The following KIF26B variants were observed in gnomAD, a reference collection of about 807,000 sequenced individuals.
KIF26B encodes kinesin-like protein KIF26B.
In KIF26B, 63 loss-of-function variants were observed where a neutral mutation model predicts 151.2. That is an observed-to-expected ratio of 0.42 (90% confidence interval 0.34 to 0.51). The LOEUF is 0.51. Ranked by LOEUF, KIF26B falls within the 20% of genes least tolerant of loss-of-function variation. The pLI, the probability that KIF26B is intolerant of heterozygous loss-of-function variation, is 0.07. For missense variants in KIF26B, 2,813 were observed against 2,913.6 expected (o/e 0.97, Z 0.79); for synonymous variants, 1,357 against 1,262.1 (o/e 1.08, Z -1.59).
chr1:245,647,775 G>T (rs1572177500), intron 10 of KIF26B, among the ~76,000 whole-genome samples: 1 of 152,266 alleles, frequency 6.6e-6, no homozygotes, highest in East Asian at 1.9e-4. Context: ...AATACATTGT[G>T]AGTTTATTTC....
intron 4 of KIF26B, among the ~76,000 whole-genome samples, chr1:245,466,789 G>A (rs1659801232): frequency 6.6e-6 from 1 of 152,198 alleles, no homozygotes; most frequent in South Asian, 2.1e-4. Flanking sequence ...AGCAGGGCGT[G>A]GTGGTGAGTG....
At chr1:245,511,243 A>T in intron 4 of KIF26B, 2 of 663,540 alleles carry the variant, frequency 3.0e-6, no homozygotes, top group South Asian at 3.6e-5. Context: ...AAAATGCATA[A>T]ACCATTTCAA....
intron 4 of KIF26B, among the ~76,000 whole-genome samples, chr1:245,450,574 C>G (rs191913068): frequency 7.9e-4 from 120 of 152,338 alleles, no homozygotes; most frequent in Middle Eastern, 3.4e-3. Flanking sequence ...TGCTACCATT[C>G]ATTGTTGGTG....
intron 4 of KIF26B, among the ~76,000 whole-genome samples, chr1:245,532,345 A>G (rs1407366674): frequency 6.9e-6 from 1 of 145,302 alleles, no homozygotes; most frequent in Non-Finnish European, 1.5e-5. Context: ...TCCCGGGTTC[A>G]CGCCATTCTC....
rs537599029 is a variant in KIF26B, at chr1:245,707,121, A to G, written c.*4515A>G. On this transcript the variant is annotated 3_prime_UTR_variant, in exon 15 of 15. Transcript: ENST00000407071. Reference sequence around the variant, plus strand: ...CATTTAAGCTCATCTTCTCAAAAAAATTTTTTCTGAAAATTCCTGGAAACT... The same window carrying G: ...CATTTAAGCTCATCTTCTCAAAAAAGTTTTTTCTGAAAATTCCTGGAAACT... The G allele has an allele frequency of 3.9e-5, 6 of 152,112 alleles. No individual in the cohort carries two copies. Among genetic ancestry groups the G allele is most frequent in the African/African-American group, 1.4e-4 (6 of 41,418 alleles). The allele number at this position is 152,112 out of a possible 1,614,324, so 9.4% of individuals were successfully genotyped here. A position where few individuals can be genotyped will look rare whatever the true frequency, so the allele number is the denominator to read the frequency against.
intron 4 of KIF26B, among the ~76,000 whole-genome samples, chr1:245,489,849 G>C (rs1010951295): frequency 1.3e-5 from 2 of 152,170 alleles, no homozygotes; most frequent in Admixed American, 6.5e-5. Context: ...CAGTGTGCTT[G>C]GAACTTTGCT....
chr1:245,657,051 T>C (rs2044082695), intron 10 of KIF26B, among the ~76,000 whole-genome samples: 5 of 152,236 alleles, frequency 3.3e-5, no homozygotes, highest in Admixed American at 3.3e-4. Context: ...TATGATACTC[T>C]GTTCTTTAGG....
intron 8 of KIF26B, 102 bp from the exon 9 acceptor site, chr1:245,611,691 A>G (rs10754458): frequency 0.35 from 441,209 of 1,262,940 alleles, 82,022 homozygotes; most frequent in East Asian, 0.66. Flanking sequence ...GCTTTACTAT[A>G]CAGAACACAC....
At chr1:245,228,144 A>G (rs1421875688) in intron 2 of KIF26B, among the ~76,000 whole-genome samples, 4 of 152,234 alleles carry the variant, frequency 2.6e-5, no homozygotes, top group Non-Finnish European at 5.9e-5. Flanking sequence ...ACATTGGGAC[A>G]TCGGAAGCCT....
chr1:245,245,875 G>A (rs189941590), intron 2 of KIF26B, among the ~76,000 whole-genome samples: 358 of 142,320 alleles, frequency 2.5e-3, no homozygotes, highest in Middle Eastern at 0.024. Flanking sequence ...GCAGTGAGCC[G>A]AGATCACACT....
intron 4 of KIF26B, among the ~76,000 whole-genome samples, chr1:245,436,450 G>A (rs1069227): frequency 0.025 from 3,862 of 152,214 alleles, 166 homozygotes; most frequent in African/African-American, 0.087. Context: ...ACTGCCCACC[G>A]TCCTCCCCAC....
Position 245,687,634 on chromosome 1 carries a change from G to C in KIF26B, c.4651G>C (p.Asp1551His), listed in dbSNP as rs1396936715. Reference sequence around the variant, plus strand: ...GAAGGCCAGCCGGCAGGAGGAGCCGGACAGCCTCTCCTATTACTGCGCTGC... The same window carrying C: ...GAAGGCCAGCCGGCAGGAGGAGCCGCACAGCCTCTCCTATTACTGCGCTGC... ...FQKASRQEEPDSLSYYCAAET... is the reference protein window; with the variant it reads ...FQKASRQEEPHSLSYYCAAET... Residue 1551 changes from aspartate to histidine, a missense_variant, in exon 12 of 15, where the codon GAC becomes CAC. Physicochemically the swap from Asp to His is moderately conservative, Grantham distance 81. This residue lies in a region of KIF26B where 2,060 missense variants were observed against 2,088.6 expected (regional missense o/e 0.99). Coordinates refer to ENST00000407071, the MANE Select transcript of KIF26B (RefSeq NM_018012.4). This position sits in a 1 kb window ranked among gnomAD's most constrained non-coding sequence, Gnocchi z 4.9. The C allele has an allele frequency of 7.7e-6, 12 of 1,567,120 alleles. No homozygotes were observed. The highest frequency in any genetic ancestry group is 8.6e-6 in the Non-Finnish European group (10 of 1,156,356).
At chr1:245,462,738 G>A (rs1367839131) in intron 4 of KIF26B, among the ~76,000 whole-genome samples, 1 of 152,180 alleles carries the variant, frequency 6.6e-6, no homozygotes, top group East Asian at 1.9e-4. Context: ...AGAATATGAA[G>A]TTAGTTGCCA....
In KIF26B at chr1:245,702,198, G is replaced by A. The variant is rs995968957; in HGVS notation, c.6179-260G>A. Among the ~76,000 whole-genome samples, 1 of 152,092 alleles carries A rather than the reference G, an allele frequency of 6.6e-6. No individual in the cohort carries two copies. The highest frequency in any genetic ancestry group is 2.4e-5 in the African/African-American group (1 of 41,374). On this transcript the variant is annotated intron_variant, in intron 14 of 14. Coordinates refer to ENST00000407071, the MANE Select transcript of KIF26B (RefSeq NM_018012.4). The surrounding 1 kb of genome is among the most constrained non-coding windows in gnomAD (Gnocchi z 4.1). ...TGGATCCTCCATGGCTGGAGGTAGG[G>A]GGAGCTAGAATGTCACCTTATTGGT...
intron 4 of KIF26B, among the ~76,000 whole-genome samples, chr1:245,501,021 G>A (rs990160604): frequency 5.3e-5 from 8 of 152,168 alleles, no homozygotes; most frequent in East Asian, 3.8e-4. Context: ...CTTACTATGC[G>A]TATGTGATGT....
intron 2 of KIF26B, among the ~76,000 whole-genome samples, chr1:245,331,346 C>G (rs935630374): frequency 1.1e-4 from 16 of 152,032 alleles, no homozygotes; most frequent in African/African-American, 3.9e-4. Flanking sequence ...TGACAGCTCA[C>G]GACACTCTTT....
chr1:245,369,557 C>T (rs1256385845), intron 3 of KIF26B, among the ~76,000 whole-genome samples: 1 of 152,124 alleles, frequency 6.6e-6, no homozygotes, highest in Non-Finnish European at 1.5e-5. Flanking sequence ...TTCCTTTAAC[C>T]CCACAGTAGG....
At chr1:245,226,487 G>A (rs555399259) in intron 2 of KIF26B, among the ~76,000 whole-genome samples, 1 of 151,554 alleles carries the variant, frequency 6.6e-6, no homozygotes, top group South Asian at 2.1e-4. Flanking sequence ...TGTACACACA[G>A]TTTTGCTCTT....
intron 2 of KIF26B, among the ~76,000 whole-genome samples, chr1:245,278,192 C>T (rs1670972423): frequency 6.6e-6 from 1 of 152,170 alleles, no homozygotes; most frequent in South Asian, 2.1e-4. Context: ...TCAGACTCTA[C>T]ACCATGCATC....
Sources: gnomAD v4.1 joint callset for allele counts (sites outside exome capture counted in the v4.1 genomes callset) on GRCh38, gnomAD v4.1.1 for gene constraint, gnomAD v4.1.1 regional missense constraint, Gnocchi (gnomAD v3.1) non-coding constraint, MANE v1.5 for transcripts, NCBI Gene and HGNC (gene_info 2026-07-23, HGNC 2026-07-21) for gene names.